Variants in ARHGAP26 observed in about 807,000 individuals in gnomAD.
The protein encoded by ARHGAP26 is Rho GTPase activating protein 26, also known as rho GTPase-activating protein 26.
In ARHGAP26, 38 loss-of-function variants were observed where a neutral mutation model predicts 104.8. The observed-to-expected ratio is 0.36, with a 90% CI of 0.28 to 0.48. The LOEUF (loss-of-function observed/expected upper bound fraction) is 0.48, where lower values mean the gene tolerates loss of function less well. Among genes scored for constraint, ARHGAP26 ranks in the 20% least tolerant of loss-of-function variants. The pLI is 0.99. For missense variants in ARHGAP26, 704 were observed against 947.9 expected (o/e 0.74, Z 3.38); for synonymous variants, 341 against 340.0 (o/e 1.00, Z -0.03).
chr5:142,837,354 T>A (rs1769791734), intron 1 of ARHGAP26, among the ~76,000 whole-genome samples: 1 of 152,140 alleles, frequency 6.6e-6, no homozygotes, highest in Non-Finnish European at 1.5e-5. Context: ...ATTCTGTTTT[T>A]TTTTTTCACC....
At position 142,817,759 on chromosome 5, in the gene ARHGAP26, G is replaced by A. The variant is rs146959960; in HGVS notation, c.154+46844G>A. ...ACATCTGTGCTCGCCAAATTGCACT[G>A]TTTGCCCCTGCTGCAGTGATGGTGG... On this transcript the variant is annotated intron_variant, in intron 1 of 22. Transcript: ENST00000645722. Among the ~76,000 whole-genome samples, 245 of 152,318 alleles carry A rather than the reference G, an allele frequency of 1.6e-3. 1 individual carries two copies. The highest frequency in any genetic ancestry group is 5.8e-3 in the African/African-American group (242 of 41,554).
intron 11 of ARHGAP26, among the ~76,000 whole-genome samples, chr5:142,937,376 A>G (rs985237392): frequency 2.6e-5 from 4 of 152,224 alleles, no homozygotes; most frequent in Admixed American, 6.5e-5. Flanking sequence ...AATGACTAAA[A>G]TTAAAAGTAG....
intron 11 of ARHGAP26, among the ~76,000 whole-genome samples, chr5:142,949,218 AGAGGAGAGAGAGAG>A (rs1767860035): frequency 2.7e-5 from 2 of 73,340 alleles, no homozygotes; most frequent in African/African-American, 2.4e-4. Context: ...AGAGAGAGAG[AGAGGAGAGAGAGAG>A]GAGAGAGAGA....
chr5:143,201,935 C>T (rs552021327), intron 20 of ARHGAP26, among the ~76,000 whole-genome samples: 2 of 152,074 alleles, frequency 1.3e-5, no homozygotes, highest in African/African-American at 2.4e-5. Flanking sequence ...CTGTTAGGTC[C>T]GCTTGGTCCA....
At chr5:143,124,733 G>A (rs1796528753) in intron 18 of ARHGAP26, among the ~76,000 whole-genome samples, 1 of 152,236 alleles carries the variant, frequency 6.6e-6, no homozygotes, top group Non-Finnish European at 1.5e-5. Context: ...CACAAGTCCA[G>A]CCAGATTCAA....
At chr5:142,989,488 A>G (rs1262738414) in intron 11 of ARHGAP26, among the ~76,000 whole-genome samples, 1 of 152,102 alleles carries the variant, frequency 6.6e-6, no homozygotes, top group Non-Finnish European at 1.5e-5. Flanking sequence ...TAAGGTTAAT[A>G]TTGTTATGCA....
At chr5:142,958,799 T>C (rs1171779470) in intron 11 of ARHGAP26, among the ~76,000 whole-genome samples, 1 of 151,480 alleles carries the variant, frequency 6.6e-6, no homozygotes, top group Admixed American at 6.6e-5. Context: ...CCGGGTGCAG[T>C]GGCTCATACC....
intron 17 of ARHGAP26, among the ~76,000 whole-genome samples, chr5:143,104,723 T>G (rs2150654704): frequency 6.6e-6 from 1 of 152,334 alleles, no homozygotes; most frequent in African/African-American, 2.4e-5. Flanking sequence ...TGAAACACTG[T>G]GCCACCATAA....
chr5:142,897,643 G>A (rs1363080502), intron 6 of ARHGAP26, among the ~76,000 whole-genome samples: 1 of 152,200 alleles, frequency 6.6e-6, no homozygotes, highest in East Asian at 1.9e-4. Context: ...TTATACAAAG[G>A]AAGAACATGA....
In ARHGAP26 at chr5:143,121,029, A is replaced by AC; in HGVS notation, c.1582dup (p.Leu528ProfsTer31). On this transcript the variant is annotated frameshift_variant, in exon 18 of 23. Coordinates refer to ENST00000645722, the MANE Select transcript of ARHGAP26 (RefSeq NM_001135608.3). LOFTEE classifies it high-confidence loss of function. Reference sequence around the variant, plus strand: ...AAGCAGAATTTGATGACGGTGGCAAACCTTGGTGTGGTGTTTGGACCCACT... The same window carrying AC: ...AAGCAGAATTTGATGACGGTGGCAAACCCTTGGTGTGGTGTTTGGACCCACT... 6.2e-7 allele frequency: 1 copy of AC among 1,613,422 alleles called. No individual in the cohort carries two copies. Among genetic ancestry groups the AC allele is most frequent in the Non-Finnish European group, 8.5e-7 (1 of 1,179,594 alleles).
At chr5:143,166,158 C>G in intron 20 of ARHGAP26, 4 of 1,196,264 alleles carry the variant, frequency 3.3e-6, no homozygotes, top group African/African-American at 1.6e-5. Flanking sequence ...TAACACACGC[C>G]CTTCCCCTAA....
intron 11 of ARHGAP26, among the ~76,000 whole-genome samples, chr5:142,979,174 G>A (rs867733542): frequency 1.1e-4 from 17 of 152,176 alleles, no homozygotes; most frequent in Non-Finnish European, 2.1e-4. Flanking sequence ...TGAAAAAAAC[G>A]TTATTAGCTT....
At chr5:143,201,685 A>G (rs1037541952) in intron 20 of ARHGAP26, among the ~76,000 whole-genome samples, 2 of 152,222 alleles carry the variant, frequency 1.3e-5, no homozygotes, top group African/African-American at 4.8e-5. Flanking sequence ...TATGTGTTCT[A>G]TGAGTATGAG....
intron 1 of ARHGAP26, among the ~76,000 whole-genome samples, chr5:142,786,534 A>G (rs751985166): frequency 1.6e-4 from 24 of 152,172 alleles, no homozygotes; most frequent in Middle Eastern, 3.4e-3. Context: ...CCTGGCCTCA[A>G]ATGATCTTCC....
At chr5:142,858,290 A>G (rs547709305) in intron 1 of ARHGAP26, among the ~76,000 whole-genome samples, 2 of 152,174 alleles carry the variant, frequency 1.3e-5, no homozygotes, top group African/African-American at 4.8e-5. Context: ...TTCTTTTATC[A>G]TTTGCCTAGT....
chr5:142,887,314 C>G (rs1296799666), intron 5 of ARHGAP26, among the ~76,000 whole-genome samples: 3 of 152,186 alleles, frequency 2.0e-5, no homozygotes, highest in African/African-American at 7.2e-5. Context: ...TGTATTTACT[C>G]TGTGACCTAG....
intron 17 of ARHGAP26, among the ~76,000 whole-genome samples, chr5:143,100,853 G>A (rs970634584): frequency 1.3e-5 from 2 of 152,204 alleles, no homozygotes; most frequent in African/African-American, 4.8e-5. Flanking sequence ...CTCTTTGGGA[G>A]GCCAATGCGG....
chr5:142,809,105 T>C (rs1210446329), intron 1 of ARHGAP26, among the ~76,000 whole-genome samples: 11 of 152,230 alleles, frequency 7.2e-5, no homozygotes, highest in Admixed American at 7.2e-4. Flanking sequence ...TGCAACTGCA[T>C]GAAATGGTAG....
intron 1 of ARHGAP26, among the ~76,000 whole-genome samples, chr5:142,793,680 C>G (rs192571876): frequency 6.6e-6 from 1 of 152,076 alleles, no homozygotes; most frequent in Non-Finnish European, 1.5e-5. Context: ...CTCCACCTCC[C>G]GAGTTTAAGT....
Sources: allele counts gnomAD v4.1 joint callset (sites outside exome capture counted in the v4.1 genomes callset), GRCh38; gene constraint gnomAD v4.1.1; transcripts MANE v1.5; gene names NCBI Gene and HGNC (gene_info 2026-07-23, HGNC 2026-07-21).